PTPRN2: variants seen among roughly 807,000 people sequenced by gnomAD.
The protein encoded by PTPRN2 is receptor-type tyrosine-protein phosphatase N2.
A neutral mutation model predicts 118.8 loss-of-function variants in PTPRN2; 74 were observed. The ratio of observed to expected loss-of-function variants is 0.62; its 90% CI spans 0.52 to 0.76. The LOEUF is 0.76. Ranked by LOEUF, PTPRN2 falls within the 30% of genes least tolerant of loss-of-function variation. The pLI is 0.00. For missense variants in PTPRN2, 1,481 were observed against 1,394.4 expected, an observed-to-expected ratio of 1.06 and a Z score of -0.99; for synonymous variants, 641 against 608.0, an observed-to-expected ratio of 1.05 and a Z score of -0.80.
chr7:158,559,854 A>AT (rs1049733441), intron 1 of PTPRN2, among the ~76,000 whole-genome samples: 1 of 152,092 alleles, frequency 6.6e-6, no homozygotes, highest in Admixed American at 6.6e-5. Context: ...CCACTTACAT[A>AT]TTTTTTTATT....
intron 11 of PTPRN2, among the ~76,000 whole-genome samples, chr7:157,970,229 T>C (rs748626998): frequency 2.0e-5 from 3 of 152,240 alleles, no homozygotes; most frequent in Non-Finnish European, 2.9e-5. Context: ...CTTTGCCCTA[T>C]GAACTCCCCA....
intron 13 of PTPRN2, among the ~76,000 whole-genome samples, chr7:157,661,810 G>A (rs529961920): frequency 6.8e-4 from 103 of 152,254 alleles, no homozygotes; most frequent in African/African-American, 1.7e-3. Context: ...GTGGCTCCCC[G>A]GAGGCACCAG....
At position 158,110,864 on chromosome 7, in the gene PTPRN2, G is replaced by T; in HGVS notation, c.1608C>A (p.Leu536=). 6.3e-7 allele frequency: 1 copy of T among 1,589,058 alleles called. No individual in the cohort carries two copies. The highest frequency in any genetic ancestry group is 8.6e-7 in the Non-Finnish European group (1 of 1,167,594). ...CGAACGCACTGCTGGGCACCTGCAG[G>T]AGGCGGGCGACGTCCTCCACCAGCC... is the stretch of plus-strand genomic sequence containing the variant. ...GRRLVEDVAR[L]LQVPSSAFAD... The change falls in exon 10 of 23, where the codon CTC becomes CTA. Residue 536 remains leucine, a synonymous_variant. Transcript: ENST00000389418.
At chr7:157,728,963 G>A (rs780159834) in intron 12 of PTPRN2, among the ~76,000 whole-genome samples, 10 of 152,298 alleles carry the variant, frequency 6.6e-5, no homozygotes, top group Admixed American at 3.9e-4. Flanking sequence ...CAGCCTCGAG[G>A]GAGACGGCGC....
chr7:158,255,410 G>C (rs1796959364), intron 3 of PTPRN2, among the ~76,000 whole-genome samples: 1 of 152,168 alleles, frequency 6.6e-6, no homozygotes, highest in African/African-American at 2.4e-5. Flanking sequence ...GCCTTCCTGT[G>C]GGGAACAAGA....
chr7:158,084,005 G>C (rs1813052075), intron 10 of PTPRN2, among the ~76,000 whole-genome samples: 1 of 150,140 alleles, frequency 6.7e-6, no homozygotes, highest in South Asian at 2.1e-4. Flanking sequence ...ATGAGTCACT[G>C]TTCTGTGGCC....
chr7:158,167,958 C>T lies in PTPRN2; in HGVS notation c.550-667G>A, dbSNP rs560904328. 2.6e-5 allele frequency among the ~76,000 whole-genome samples: 4 copies of T among 152,326 alleles called. No individual in the cohort carries two copies. In the South Asian group the frequency reaches 6.2e-4, roughly 24 times the overall value. On this transcript the variant is annotated intron_variant, in intron 5 of 22. Coordinates refer to ENST00000389418, the MANE Select transcript of PTPRN2 (RefSeq NM_002847.5). Reference sequence around the variant, plus strand: ...CTTTTGGCTATTTTGAATAATGCTGCTATGAGTATTCATTTATGAGTCTGT... The same window carrying T: ...CTTTTGGCTATTTTGAATAATGCTGTTATGAGTATTCATTTATGAGTCTGT...
intron 22 of PTPRN2, 67 bp from the exon 23 acceptor site, chr7:157,540,852 G>A (rs1797980131): frequency 1.5e-6 from 2 of 1,308,082 alleles, no homozygotes; most frequent in African/African-American, 1.5e-5. Flanking sequence ...CCACAGCGTC[G>A]GCTCCCTGCA....
intron 3 of PTPRN2, among the ~76,000 whole-genome samples, chr7:158,266,456 G>A (rs112107889): frequency 9.0e-5 from 7 of 77,724 alleles, no homozygotes; most frequent in African/African-American, 2.2e-4. Context: ...GCTGCGGGGT[G>A]TTGTCTGGCA....
At chr7:157,580,705 C>A (rs1303454056) in intron 17 of PTPRN2, among the ~76,000 whole-genome samples, 2 of 132,366 alleles carry the variant, frequency 1.5e-5, no homozygotes, top group Non-Finnish European at 3.2e-5. Flanking sequence ...GACACCCGAG[C>A]CCCTCCACAC....
At chr7:158,144,073 C>A (rs1819649828) in intron 6 of PTPRN2, among the ~76,000 whole-genome samples, 2 of 152,180 alleles carry the variant, frequency 1.3e-5, no homozygotes, top group African/African-American at 2.4e-5. Context: ...CGTTCTTCTG[C>A]AAGGCCCTGT....
chr7:157,745,910 A>G (rs1800896682), intron 12 of PTPRN2, among the ~76,000 whole-genome samples: 1 of 151,350 alleles, frequency 6.6e-6, no homozygotes, highest in South Asian at 2.1e-4. Flanking sequence ...AGATCACAGG[A>G]CTCCCTACAC....
At chr7:157,768,917 ATC>A (rs1802639159) in intron 12 of PTPRN2, among the ~76,000 whole-genome samples, 1 of 152,194 alleles carries the variant, frequency 6.6e-6, no homozygotes, top group African/African-American at 2.4e-5. Flanking sequence ...CGACACACAC[ATC>A]TCTGAGTCAG....
At chr7:157,924,866 A>G (rs375565178) in intron 11 of PTPRN2, among the ~76,000 whole-genome samples, 41 of 146,640 alleles carry the variant, frequency 2.8e-4, no homozygotes, top group African/African-American at 3.5e-4. Context: ...TGCATTTAGC[A>G]CGTCAGGCAA....
At chr7:157,767,351 G>T (rs538553546) in intron 12 of PTPRN2, among the ~76,000 whole-genome samples, 2 of 152,310 alleles carry the variant, frequency 1.3e-5, no homozygotes, top group South Asian at 2.1e-4. Context: ...TGGCATCTTG[G>T]TTTTACAATG....
Position 158,390,251 on chromosome 7 carries a change from T to C in PTPRN2, c.164-73319A>G, listed in dbSNP as rs544470337. ...TGGTCACACAGCTCAGTGGCTGCTA[T>C]GTGGAAATGGCCTCTCCTTGCAGCC... is the stretch of plus-strand genomic sequence containing the variant. On this transcript the variant is annotated intron_variant, in intron 2 of 22. Transcript: ENST00000389418. 7.2e-5 allele frequency among the ~76,000 whole-genome samples: 11 copies of C among 152,268 alleles called. No homozygotes were observed. In the South Asian group the frequency reaches 2.3e-3, roughly 32 times the overall value.
intron 6 of PTPRN2, among the ~76,000 whole-genome samples, chr7:158,155,310 A>G (rs10267749): frequency 0.62 from 94,459 of 152,060 alleles, 30,364 homozygotes; most frequent in East Asian, 0.79. Flanking sequence ...TCGCCACAAC[A>G]TTGTTTTCAC....
chr7:157,564,637 T>C (rs1799391865), intron 21 of PTPRN2, among the ~76,000 whole-genome samples: 1 of 152,236 alleles, frequency 6.6e-6, no homozygotes, highest in Non-Finnish European at 1.5e-5. Context: ...TTGAAATGTC[T>C]GTTTTGCTCA....
intron 12 of PTPRN2, among the ~76,000 whole-genome samples, chr7:157,884,687 G>T (rs1453439435): frequency 6.6e-6 from 1 of 152,222 alleles, no homozygotes; most frequent in Non-Finnish European, 1.5e-5. Flanking sequence ...ACAAGAGAGA[G>T]CATGTGCAGG....
Sources: allele counts gnomAD v4.1 joint callset (sites outside exome capture counted in the v4.1 genomes callset), GRCh38; gene constraint gnomAD v4.1.1; transcripts MANE v1.5; gene names NCBI Gene and HGNC (gene_info 2026-07-23, HGNC 2026-07-21).